The following SH3D19 variants were observed in gnomAD, a reference collection of about 807,000 sequenced individuals.
SH3D19 encodes SH3 domain-containing protein 19.
A neutral mutation model predicts 112.1 loss-of-function variants in SH3D19; 58 were observed. That is an observed-to-expected ratio of 0.52 (90% CI 0.42 to 0.64). SH3D19 has a LOEUF of 0.64. Among genes scored for constraint, SH3D19 ranks in the 30% least tolerant of loss-of-function variants. The probability of loss-of-function intolerance (pLI) is 0.00; values close to 1 mark genes in which losing one functional copy is unlikely to be tolerated. For synonymous variants in SH3D19, 391 were observed against 448.5 expected (o/e 0.87, Z 1.62); for missense variants, 1,090 against 1,263.4 (o/e 0.86, Z 2.08).
At chr4:151,164,867 T>G (rs1226050058) in intron 8 of SH3D19, among the ~76,000 whole-genome samples, 2 of 152,220 alleles carry the variant, frequency 1.3e-5, no homozygotes, top group Non-Finnish European at 2.9e-5. Context: ...CATCAACCAC[T>G]GCACCTGGCC....
intron 3 of SH3D19, among the ~76,000 whole-genome samples, chr4:151,180,929 A>ATTTTTTTTTTTT (rs67090009): frequency 7.6e-6 from 1 of 132,050 alleles, no homozygotes; most frequent in Non-Finnish European, 1.6e-5. Flanking sequence ...ATGCCCGGCT[A>ATTTTTTTTTTTT]TTTTTTTTTT....
chr4:151,192,512 T>TAC (rs1561315713), intron 2 of SH3D19, among the ~76,000 whole-genome samples: 1 of 152,030 alleles, frequency 6.6e-6, no homozygotes, highest in Non-Finnish European at 1.5e-5. Flanking sequence ...TTTGGGACTA[T>TAC]CCTGCCATCA....
chr4:151,253,972 T>C (rs2149980272), intron 1 of SH3D19, among the ~76,000 whole-genome samples: 1 of 152,348 alleles, frequency 6.6e-6, no homozygotes, highest in South Asian at 2.1e-4. Context: ...AACTAGATGA[T>C]GACTTAGAAG....
At chr4:151,252,684 A>G (rs1335255163) in intron 1 of SH3D19, among the ~76,000 whole-genome samples, 4 of 152,192 alleles carry the variant, frequency 2.6e-5, no homozygotes, top group African/African-American at 9.6e-5. Flanking sequence ...TTATATATTC[A>G]ACTGCCTACT....
At chr4:151,259,352 A>G (rs1213133727) in intron 1 of SH3D19, among the ~76,000 whole-genome samples, 2 of 152,114 alleles carry the variant, frequency 1.3e-5, no homozygotes, top group Non-Finnish European at 2.9e-5. Flanking sequence ...GGATGGACTG[A>G]GGGAAGGGAA....
chr4:151,124,763 A>T (rs985163494), intron 19 of SH3D19, among the ~76,000 whole-genome samples: 1 of 152,108 alleles, frequency 6.6e-6, no homozygotes, highest in South Asian at 2.1e-4. Flanking sequence ...CATTCTGTGG[A>T]TATTTAATAA....
intron 1 of SH3D19, among the ~76,000 whole-genome samples, chr4:151,319,425 TTAAAA>T (rs1730325087): frequency 6.6e-6 from 1 of 152,228 alleles, no homozygotes; most frequent in Non-Finnish European, 1.5e-5. Context: ...TCCATGGAAC[TTAAAA>T]TAACTTTCTC....
In SH3D19 at chr4:151,325,238, C is replaced by A. The variant is rs1262508177; in HGVS notation, c.112+3G>T. 1 of 1,219,914 alleles carries A rather than the reference C, an allele frequency of 8.2e-7. No individual in the cohort carries two copies. Among genetic ancestry groups the A allele is most frequent in the Admixed American group, 4.3e-5 (1 of 23,304 alleles). 75.6% of individuals were successfully genotyped at this position (1,219,914 alleles called of 1,614,324 possible). On this transcript the variant is annotated splice_donor_region_variant and intron_variant, in intron 1 of 19. Transcript: ENST00000604030. Reference sequence around the variant, plus strand: ...CCGCCGCCCCGTCCCCCGCGCCTCTCACCTGCGGCCGAGTGGCCCGAGAGC... The same window carrying A: ...CCGCCGCCCCGTCCCCCGCGCCTCTAACCTGCGGCCGAGTGGCCCGAGAGC...
intron 1 of SH3D19, among the ~76,000 whole-genome samples, chr4:151,281,630 T>C (rs747811709): frequency 3.9e-5 from 6 of 152,140 alleles, no homozygotes; most frequent in Non-Finnish European, 7.4e-5. Context: ...TCATTGCCTC[T>C]AAATAGTTTG....
At chr4:151,150,958 CT>C (rs10714871) in intron 9 of SH3D19, among the ~76,000 whole-genome samples, 19,220 of 110,698 alleles carry the variant, frequency 0.17, 1,525 homozygotes, top group African/African-American at 0.41. Context: ...TCACAAAATT[CT>C]TTTTTTTTTT....
intron 2 of SH3D19, among the ~76,000 whole-genome samples, chr4:151,191,458 T>C (rs888511258): frequency 6.6e-6 from 1 of 152,174 alleles, no homozygotes; most frequent in African/African-American, 2.4e-5. Context: ...TCATGTGTCA[T>C]GGGAGGAACC....
intron 19 of SH3D19, among the ~76,000 whole-genome samples, chr4:151,124,674 C>T (rs1748778755): frequency 6.6e-6 from 1 of 151,764 alleles, no homozygotes; most frequent in African/African-American, 2.4e-5. Flanking sequence ...GCCGAGATCG[C>T]GCCGCTGACT....
At chr4:151,174,134 G>A (rs1455196316) in intron 7 of SH3D19, among the ~76,000 whole-genome samples, 1 of 152,154 alleles carries the variant, frequency 6.6e-6, no homozygotes, top group African/African-American at 2.4e-5. Context: ...TCCTCATTCC[G>A]TACATTTTCG....
At chr4:151,195,052 C>T (rs1356508169) in intron 2 of SH3D19, among the ~76,000 whole-genome samples, 18 of 129,662 alleles carry the variant, frequency 1.4e-4, no homozygotes, top group African/African-American at 3.2e-4. Context: ...CCAGCCTAGG[C>T]GACAAAGGAA....
chr4:151,182,490 C>A (rs1047787451), intron 3 of SH3D19, among the ~76,000 whole-genome samples: 14 of 152,342 alleles, frequency 9.2e-5, no homozygotes, highest in African/African-American at 3.4e-4. Flanking sequence ...GGCCCCCAGG[C>A]AGCAGAGTGG....
chr4:151,175,600 G>T lies in SH3D19; in HGVS notation c.604C>A (p.Pro202Thr). ...TCAGAAATATCAAAGACGATTAAAGGTGCCACATTTGTTGGAAGATTGCCA... is the reference window on the plus strand; with the variant it reads ...TCAGAAATATCAAAGACGATTAAAGTTGCCACATTTGTTGGAAGATTGCCA... ...SSGNLPTNVA[P>T]LIVFDISEEP... Residue 202 changes from proline to threonine, a missense_variant, in exon 7 of 20, where the codon CCT becomes ACT. Pro to Thr is a conservative substitution (Grantham distance 38). Transcript: ENST00000604030. 3.8e-6 allele frequency: 5 copies of T among 1,323,430 alleles called. No individual in the cohort carries two copies. The South Asian group carries it at 1.0e-4, about 27-fold the overall frequency. The allele number at this position is 1,323,430 out of a possible 1,614,324, so 82.0% of individuals were successfully genotyped here. A position where few individuals can be genotyped will look rare whatever the true frequency, so the allele number is the denominator to read the frequency against.
At chr4:151,126,844 T>C (rs1749487310) in intron 19 of SH3D19, among the ~76,000 whole-genome samples, 1 of 134,660 alleles carries the variant, frequency 7.4e-6, no homozygotes, top group African/African-American at 2.8e-5. Flanking sequence ...ACTTTTACTT[T>C]AAGAAGAAAT....
At chr4:151,217,939 A>C (rs1319781201) in intron 2 of SH3D19, among the ~76,000 whole-genome samples, 1 of 152,180 alleles carries the variant, frequency 6.6e-6, no homozygotes, top group Non-Finnish European at 1.5e-5. Context: ...ACAAACATAC[A>C]TATAAGCACA....
intron 7 of SH3D19, among the ~76,000 whole-genome samples, chr4:151,172,866 AAAG>A (rs1345457349): frequency 6.6e-6 from 1 of 152,166 alleles, no homozygotes; most frequent in Non-Finnish European, 1.5e-5. Flanking sequence ...ATATAGGAAG[AAAG>A]AAGATTTAGA....
Sources: allele counts gnomAD v4.1 joint callset (sites outside exome capture counted in the v4.1 genomes callset), GRCh38; gene constraint gnomAD v4.1.1; transcripts MANE v1.5; gene names NCBI Gene and HGNC (gene_info 2026-07-23, HGNC 2026-07-21).